PDE1C: variants seen among roughly 807,000 people sequenced by gnomAD.
PDE1C encodes the protein phosphodiesterase 1C, also known as dual specificity calcium/calmodulin-dependent 3',5'-cyclic nucleotide phosphodiesterase 1C.
Under a neutral mutation model 93.1 loss-of-function variants are expected in PDE1C, and 62 were observed. The observed-to-expected ratio is 0.67, with a 90% CI of 0.54 to 0.82. The LOEUF is 0.82. PDE1C is among the 40% of genes least tolerant of loss of function. PDE1C has a pLI of 0.00. For synonymous variants in PDE1C, 325 were observed against 310.1 expected (o/e 1.05, Z -0.50); for missense variants, 742 against 884.6 (o/e 0.84, Z 2.04).
intron 16 of PDE1C, among the ~76,000 whole-genome samples, chr7:31,781,480 A>C (rs1173089384): frequency 1.2e-4 from 18 of 152,040 alleles, no homozygotes; most frequent in Admixed American, 1.1e-3. Context: ...ATACCCACAG[A>C]CCTCTGATCA....
In PDE1C at chr7:32,423,137, G is replaced by A. The variant is rs546713447; in HGVS notation, c.310+4685C>T. Among the ~76,000 whole-genome samples, 69 of 152,264 alleles carry A rather than the reference G, an allele frequency of 4.5e-4. 1 individual carries two copies. The highest frequency in any genetic ancestry group is 7.9e-4 in the Non-Finnish European group (54 of 68,016). ...CACTTGTAATCCCAGCACTTTGGGC[G>A]GCTGATATGGGAAGATTTCTTGAAC... On this transcript the variant is annotated intron_variant, in intron 1 of 1. Coordinates refer to the PDE1C transcript ENST00000672256.
chr7:32,021,228 T>C (rs1788625619), intron 2 of PDE1C, among the ~76,000 whole-genome samples: 1 of 152,140 alleles, frequency 6.6e-6, no homozygotes, highest in African/African-American at 2.4e-5. Context: ...ACATCCATAG[T>C]TGCAGATGCC....
chr7:31,899,413 C>T (rs1265337287), intron 2 of PDE1C, among the ~76,000 whole-genome samples: 1 of 152,120 alleles, frequency 6.6e-6, no homozygotes, highest in East Asian at 1.9e-4. Context: ...GCTGGGATTA[C>T]AGGCGTAAGT....
chr7:31,626,726 A>T, the PDE1C span, among the ~76,000 whole-genome samples: 1 of 152,194 alleles, frequency 6.6e-6, no homozygotes, highest in African/African-American at 2.4e-5. Context: ...TTGTTGTGGC[A>T]GTTTTCATCT....
rs536430360 is a variant in PDE1C at position 31,904,274 on chromosome 7, G to A, written c.129-23414C>T. ...GGAAGATAAAACATTCTAACTCTTC[G>A]TTTGGTTCTCATTAGAGCTAACAGT... On this transcript the variant is annotated intron_variant, in intron 2 of 17. Coordinates refer to ENST00000396191, the MANE Select transcript of PDE1C (RefSeq NM_001191057.4). 1.0e-3 allele frequency among the ~76,000 whole-genome samples: 152 copies of A among 152,056 alleles called. 4 individuals are homozygous for A. Among genetic ancestry groups the A allele is most frequent in the Admixed American group, 9.4e-3 (143 of 15,248 alleles).
intron 3 of PDE1C, among the ~76,000 whole-genome samples, chr7:32,127,216 A>G (rs1310133077): frequency 6.6e-6 from 1 of 152,186 alleles, no homozygotes; most frequent in Non-Finnish European, 1.5e-5. Context: ...TCTGGTCACC[A>G]GACTCCCAAC....
chr7:32,107,148 AG>A (rs1396808723), intron 3 of PDE1C, among the ~76,000 whole-genome samples: 10 of 102,404 alleles, frequency 9.8e-5, no homozygotes, highest in African/African-American at 1.9e-4. Flanking sequence ...TGAAATGTAA[AG>A]AAAAAAAAAA....
In PDE1C at chr7:32,287,741, C is replaced by G. The variant is rs796632580; in HGVS notation, c.85+10910G>C. 2.6e-5 allele frequency among the ~76,000 whole-genome samples: 4 copies of G among 152,220 alleles called. No homozygotes were observed. The South Asian group carries it at 8.3e-4, about 32-fold the overall frequency. The stretch of plus-strand genomic sequence containing the variant: ...CCTACCTGGGAATGTGGGCTTGATC[C>G]TGCATGCAATGGGAATCTCCCTCCT... On this transcript the variant is annotated intron_variant, in intron 1 of 18. Transcript: ENST00000396193.
At chr7:32,277,967 T>C (rs1416256308) in intron 1 of PDE1C, among the ~76,000 whole-genome samples, 1 of 151,956 alleles carries the variant, frequency 6.6e-6, no homozygotes, top group East Asian at 1.9e-4. Flanking sequence ...TGCCACTTCA[T>C]TAGAGCAGGA....
intron 1 of PDE1C, among the ~76,000 whole-genome samples, chr7:32,354,724 A>G (rs1379598345): frequency 6.7e-6 from 1 of 150,238 alleles, no homozygotes; most frequent in African/African-American, 2.5e-5. Context: ...AGTCATTGCC[A>G]CTCATGTGTA....
At chr7:31,969,924 T>G (rs1422545037) in intron 2 of PDE1C, among the ~76,000 whole-genome samples, 1 of 151,866 alleles carries the variant, frequency 6.6e-6, no homozygotes, top group Admixed American at 6.6e-5. Context: ...TTCTCACTCA[T>G]AGGTGGGAAT....
intron 1 of PDE1C, among the ~76,000 whole-genome samples, chr7:32,356,795 A>G (rs1784038169): frequency 6.6e-6 from 1 of 152,178 alleles, no homozygotes; most frequent in African/African-American, 2.4e-5. Flanking sequence ...CTTTTCATAC[A>G]TACAACTCAT....
intron 17 of PDE1C, among the ~76,000 whole-genome samples, chr7:31,769,935 G>A (rs1795376674): frequency 6.6e-6 from 1 of 152,188 alleles, no homozygotes; most frequent in African/African-American, 2.4e-5. Context: ...AAATGTATGA[G>A]TACTTCATTT....
intron 1 of PDE1C, among the ~76,000 whole-genome samples, chr7:32,296,311 C>T (rs1385760320): frequency 6.6e-6 from 1 of 152,196 alleles, no homozygotes; most frequent in East Asian, 1.9e-4. Context: ...AATACAAATT[C>T]CTTGAACACA....
intron 2 of PDE1C, among the ~76,000 whole-genome samples, chr7:31,965,160 G>A (rs1487043898): frequency 5.9e-5 from 9 of 152,062 alleles, no homozygotes; most frequent in African/African-American, 1.4e-4. Context: ...AAACTACTCC[G>A]AGCTAAAGGA....
intron 2 of PDE1C, among the ~76,000 whole-genome samples, chr7:31,894,352 A>G (rs7808892): frequency 0.27 from 40,390 of 152,182 alleles, 6,713 homozygotes; most frequent in African/African-American, 0.46. Flanking sequence ...GCAAGCTCAG[A>G]CAGCTGTGAC....
intron 1 of PDE1C, among the ~76,000 whole-genome samples, chr7:32,292,955 C>T (rs1240655756): frequency 2.0e-5 from 3 of 152,160 alleles, no homozygotes; most frequent in Non-Finnish European, 4.4e-5. Flanking sequence ...TTGACTCTTA[C>T]TCTCATCTGG....
chr7:32,005,444 T>G (rs1289039373), intron 2 of PDE1C, among the ~76,000 whole-genome samples: 1 of 149,472 alleles, frequency 6.7e-6, no homozygotes, highest in African/African-American at 2.5e-5. Context: ...TAGTCCCAGC[T>G]ACTCAGGAGG....
chr7:31,704,275 G>A, the PDE1C span, among the ~76,000 whole-genome samples: 1 of 152,150 alleles, frequency 6.6e-6, no homozygotes. Flanking sequence ...AGAAGACGTG[G>A]TGTCCTAGCC....
Sources: gnomAD v4.1 joint callset for allele counts (sites outside exome capture counted in the v4.1 genomes callset) on GRCh38, gnomAD v4.1.1 for gene constraint, MANE v1.5 for transcripts, NCBI Gene and HGNC (gene_info 2026-07-23, HGNC 2026-07-21) for gene names.